PHACTR2: variants seen among roughly 807,000 people sequenced by gnomAD.
The protein encoded by PHACTR2 is phosphatase and actin regulator 2.
Under a neutral mutation model 76.0 loss-of-function variants are expected in PHACTR2, and 30 were observed. That is an observed-to-expected ratio of 0.39 (90% CI 0.30 to 0.54). PHACTR2 has a LOEUF of 0.54. PHACTR2 is among the 20% of genes least tolerant of loss of function. The pLI is 0.61. For synonymous variants in PHACTR2, 292 were observed against 292.5 expected (o/e 1.00, Z 0.02); for missense variants, 696 against 781.1 (o/e 0.89, Z 1.30).
At chr6:143,748,366 GA>G (rs1435079769) in intron 2 of PHACTR2, among the ~76,000 whole-genome samples, 1 of 152,228 alleles carries the variant, frequency 6.6e-6, no homozygotes, top group Non-Finnish European at 1.5e-5. Context: ...GTTCCTGGCT[GA>G]AAGCTGATTA....
chr6:143,681,043 T>C (rs955719611), intron 1 of PHACTR2, among the ~76,000 whole-genome samples: 3 of 152,246 alleles, frequency 2.0e-5, no homozygotes, highest in Non-Finnish European at 2.9e-5. Flanking sequence ...CTTTGGGCTA[T>C]TTATGAATAA....
intron 1 of PHACTR2, among the ~76,000 whole-genome samples, chr6:143,629,199 T>C (rs1776317191): frequency 6.6e-6 from 1 of 151,912 alleles, no homozygotes. Context: ...ATGAAAATCA[T>C]ATTGGTCATA....
rs532354555 is a variant in PHACTR2, at chr6:143,759,518, G to A, written c.455-883G>A. Among the ~76,000 whole-genome samples, 14 of 152,168 alleles carry A rather than the reference G, an allele frequency of 9.2e-5. No homozygotes were observed. The South Asian group carries it at 2.1e-3, about 23-fold the overall frequency. ...AACATTCAAAAATTAGCTGGGCGTGGTGGCAAACACCTGTGGTCTCAGCTA... is the reference window on the plus strand; with the variant it reads ...AACATTCAAAAATTAGCTGGGCGTGATGGCAAACACCTGTGGTCTCAGCTA... On this transcript the variant is annotated intron_variant, in intron 4 of 12. Transcript: ENST00000440869.
chr6:143,758,192 G>T (rs544485648), intron 4 of PHACTR2, among the ~76,000 whole-genome samples: 1 of 152,112 alleles, frequency 6.6e-6, no homozygotes. Context: ...GATTCTTTCC[G>T]GTATACCTTT....
chr6:143,730,798 A>C lies in PHACTR2; in HGVS notation c.215-18187A>C, dbSNP rs1778681938. ...AGTCTTGCTCTGTGGCCCAGGCTGG[A>C]GTGCAGTGGCGCGATCTCGGCTCAC... On this transcript the variant is annotated intron_variant, in intron 2 of 12. Transcript: ENST00000440869. This position sits in a 1 kb window ranked among gnomAD's most constrained non-coding sequence, Gnocchi z 4.8. Among the ~76,000 whole-genome samples, 1 of 152,116 alleles carries C rather than the reference A, an allele frequency of 6.6e-6. No individual in the cohort carries two copies. Among genetic ancestry groups the C allele is most frequent in the Non-Finnish European group, 1.5e-5 (1 of 68,022 alleles).
intron 1 of PHACTR2, among the ~76,000 whole-genome samples, chr6:143,645,882 A>AT (rs1683895231): frequency 6.6e-6 from 1 of 152,198 alleles, no homozygotes; most frequent in Non-Finnish European, 1.5e-5. Flanking sequence ...TATTTTTTAA[A>AT]GTGTGTATTC....
Position 143,610,119 on chromosome 6 carries a change from A to T in PHACTR2, c.13+1797A>T, listed in dbSNP as rs1427266674. On this transcript the variant is annotated intron_variant, in intron 1 of 11. Transcript: ENST00000305766. The surrounding 1 kb of genome is among the most constrained non-coding windows in gnomAD (Gnocchi z 4.9). Reference sequence around the variant, plus strand: ...ATGCTTCAGAAATAGCATGTTTCTTATAATGGCTTATAATTGGCTGTCAGT... The same window carrying T: ...ATGCTTCAGAAATAGCATGTTTCTTTTAATGGCTTATAATTGGCTGTCAGT... Among the ~76,000 whole-genome samples the T allele has an allele frequency of 6.6e-6, 1 of 152,206 alleles. No homozygotes were observed. The highest frequency in any genetic ancestry group is 1.5e-5 in the Non-Finnish European group (1 of 68,040).
Position 143,777,422 on chromosome 6 carries a change from C to A in PHACTR2, c.1645+39C>A. ...ACTATAGAATGATTCCTTGTGTAAT[C>A]GCTAACAAGCTGCCTCTACAGATGA... On this transcript the variant is annotated intron_variant, in intron 9 of 12. Transcript: ENST00000440869. This position sits in a 1 kb window ranked among gnomAD's most constrained non-coding sequence, Gnocchi z 4.6. 1.8e-6 allele frequency: 2 copies of A among 1,083,848 alleles called. No individual in the cohort carries two copies. The highest frequency in any genetic ancestry group is 2.1e-5 in the Admixed American group (1 of 47,936). 67.1% of individuals were successfully genotyped at this position (1,083,848 alleles called of 1,614,324 possible). A position where few individuals can be genotyped will look rare whatever the true frequency, so the allele number is the denominator to read the frequency against.
chr6:143,724,158 T>C (rs1404454931), intron 2 of PHACTR2, among the ~76,000 whole-genome samples: 1 of 151,904 alleles, frequency 6.6e-6, no homozygotes, highest in African/African-American at 2.4e-5. Context: ...TGTTTTGAGA[T>C]GGAGTCTCAC....
At chr6:143,538,691 C>G (rs1202663631) in intron 1 of PHACTR2, among the ~76,000 whole-genome samples, 1 of 152,252 alleles carries the variant, frequency 6.6e-6, no homozygotes, top group African/African-American at 2.4e-5. Context: ...TCTGACTCCA[C>G]TTCAGCTGGC....
intron 12 of PHACTR2, among the ~76,000 whole-genome samples, chr6:143,814,441 T>A (rs1776254431): frequency 6.6e-6 from 1 of 152,136 alleles, no homozygotes; most frequent in Non-Finnish European, 1.5e-5. Context: ...ATCGTCTTCA[T>A]GTTGAATAGG....
chr6:143,605,787 T>G (rs1345591054), upstream of PHACTR2, among the ~76,000 whole-genome samples: 1 of 152,224 alleles, frequency 6.6e-6, no homozygotes, highest in Non-Finnish European at 1.5e-5. This position sits in a 1 kb window ranked among gnomAD's most constrained non-coding sequence, Gnocchi z 5.0. Context: ...CCTAGGGGAA[T>G]CCTGTGACAA....
At position 143,647,869 on chromosome 6, in the gene PHACTR2, C is replaced by T. The variant is rs759468258; in HGVS notation, c.13+39547C>T. Among the ~76,000 whole-genome samples, 3 of 152,202 alleles carry T rather than the reference C, an allele frequency of 2.0e-5. No homozygotes were observed. Among genetic ancestry groups the T allele is most frequent in the African/African-American group, 4.8e-5 (2 of 41,444 alleles). On this transcript the variant is annotated intron_variant, in intron 1 of 11. Coordinates refer to the PHACTR2 transcript ENST00000305766. The surrounding 1 kb of genome is among the most constrained non-coding windows in gnomAD (Gnocchi z 4.2). ...GGGGAAATGGGCACAGAGCTAGCCA[C>T]AGCCAACTCAGGGAGGCGTTGTAGG...
chr6:143,796,014 C>G (rs1775812960), intron 11 of PHACTR2, among the ~76,000 whole-genome samples: 1 of 152,292 alleles, frequency 6.6e-6, no homozygotes, highest in Non-Finnish European at 1.5e-5. Context: ...ACAGGTCACT[C>G]AGTAATCACT....
At chr6:143,685,879 C>T (rs1777507815) in intron 1 of PHACTR2, among the ~76,000 whole-genome samples, 1 of 152,048 alleles carries the variant, frequency 6.6e-6, no homozygotes, top group Non-Finnish European at 1.5e-5. Context: ...CACCTGTAAT[C>T]CCAGCACTTT....
In PHACTR2 at chr6:143,672,747, C is replaced by G. The variant is rs1332511966; in HGVS notation, c.14-39269C>G. On this transcript the variant is annotated intron_variant, in intron 1 of 11. Coordinates refer to the PHACTR2 transcript ENST00000305766. The surrounding 1 kb of genome is among the most constrained non-coding windows in gnomAD (Gnocchi z 5.8). The stretch of plus-strand genomic sequence containing the variant: ...TTTATTTATTTATTTCTTTTTGAGA[C>G]AGAGTCTCACTCTGTTGCCCAGGCT... Among the ~76,000 whole-genome samples, 1 of 152,024 alleles carries G rather than the reference C, an allele frequency of 6.6e-6. No homozygotes were observed. Among genetic ancestry groups the G allele is most frequent in the East Asian group, 1.9e-4 (1 of 5,190 alleles).
chr6:143,790,633 A>G (rs1775659430), intron 11 of PHACTR2, among the ~76,000 whole-genome samples: 1 of 150,828 alleles, frequency 6.6e-6, no homozygotes, highest in Non-Finnish European at 1.5e-5. Context: ...AGTTCTTCAT[A>G]TATTCCAGTT....
intron 2 of PHACTR2, among the ~76,000 whole-genome samples, chr6:143,715,406 C>G (rs1778280069): frequency 6.6e-6 from 1 of 152,154 alleles, no homozygotes; most frequent in South Asian, 2.1e-4. Flanking sequence ...TTTCCTATAC[C>G]CACATCCCTC....
At position 143,548,123 on chromosome 6, in the gene PHACTR2, A is replaced by T. The variant is rs1775037186; in HGVS notation, c.217+10916A>T. Among the ~76,000 whole-genome samples the T allele has an allele frequency of 6.6e-6, 1 of 152,158 alleles. No individual in the cohort carries two copies. Among genetic ancestry groups the T allele is most frequent in the Non-Finnish European group, 1.5e-5 (1 of 68,030 alleles). Reference sequence around the variant, plus strand: ...TCAAGATCAAGACACTGGCAGATTCAGTGTTTGGCGAGGGCCTGCTTCCTG... The same window carrying T: ...TCAAGATCAAGACACTGGCAGATTCTGTGTTTGGCGAGGGCCTGCTTCCTG... On this transcript the variant is annotated intron_variant, in intron 1 of 11. Coordinates refer to the PHACTR2 transcript ENST00000367584. This position sits in a 1 kb window ranked among gnomAD's most constrained non-coding sequence, Gnocchi z 4.5.
Sources: allele counts gnomAD v4.1 joint callset (sites outside exome capture counted in the v4.1 genomes callset), GRCh38; gene constraint gnomAD v4.1.1; non-coding constraint Gnocchi (gnomAD v3.1); transcripts MANE v1.5; gene names NCBI Gene and HGNC (gene_info 2026-07-23, HGNC 2026-07-21).